Variants in SORCS2 observed in about 807,000 individuals in gnomAD.
The protein encoded by SORCS2 is VPS10 domain-containing receptor SorCS2.
Under a neutral mutation model 141.6 loss-of-function variants are expected in SORCS2, and 100 were observed. That is an observed-to-expected ratio of 0.71 (90% CI 0.60 to 0.83). SORCS2 has a LOEUF of 0.83. Among genes scored for constraint, SORCS2 ranks in the 40% least tolerant of loss-of-function variants. The probability of loss-of-function intolerance (pLI) is 0.00; values close to 1 mark genes in which losing one functional copy is unlikely to be tolerated. For synonymous variants in SORCS2, 789 were observed against 676.9 expected, an observed-to-expected ratio of 1.17 and a Z score of -2.57; for missense variants, 1,646 against 1,560.2, an observed-to-expected ratio of 1.05 and a Z score of -0.93.
chr4:7,428,747 T>G (rs1293325316), intron 2 of SORCS2, among the ~76,000 whole-genome samples: 1 of 151,998 alleles, frequency 6.6e-6, no homozygotes, highest in African/African-American at 2.4e-5. Flanking sequence ...CAGGGTGGGG[T>G]CCACCCGGCT....
At chr4:7,600,702 T>G (rs1216087175) in intron 3 of SORCS2, among the ~76,000 whole-genome samples, 1 of 148,208 alleles carries the variant, frequency 6.7e-6, no homozygotes, top group Non-Finnish European at 1.5e-5. Flanking sequence ...CACACACGAT[T>G]AAAATGCTAT....
At chr4:7,459,038 G>C (rs766660248) in intron 2 of SORCS2, among the ~76,000 whole-genome samples, 15 of 152,098 alleles carry the variant, frequency 9.9e-5, no homozygotes, top group Non-Finnish European at 1.9e-4. Context: ...CTCCTAAGGC[G>C]CGTGGCAAAG....
intron 1 of SORCS2, among the ~76,000 whole-genome samples, chr4:7,362,062 C>T (rs750242127): frequency 3.9e-5 from 6 of 152,140 alleles, no homozygotes; most frequent in Non-Finnish European, 7.3e-5. Context: ...TGGATTTGTC[C>T]TTGCCTCTGG....
intron 1 of SORCS2, among the ~76,000 whole-genome samples, chr4:7,218,351 T>C (rs991537299): frequency 6.6e-6 from 1 of 152,218 alleles, no homozygotes; most frequent in African/African-American, 2.4e-5. Flanking sequence ...TAAAGGAAAT[T>C]AGTTTCAGGT....
Position 7,737,025 on chromosome 4 carries a change from G to A in SORCS2, c.3312-44G>A, listed in dbSNP as rs114752821. The A allele has an allele frequency of 1.3e-3, 1,971 of 1,548,020 alleles. 18 individuals are homozygous for A. The African/African-American group carries it at 0.025, about 19-fold the overall frequency. Reference sequence around the variant, plus strand: ...GGAAGGCTCCAGGGACAGGCGGCCTGGGAAGCCCCTCCAAGCTGAGCCGCC... The same window carrying A: ...GGAAGGCTCCAGGGACAGGCGGCCTAGGAAGCCCCTCCAAGCTGAGCCGCC... On this transcript the variant is annotated intron_variant, in intron 25 of 26. Transcript: ENST00000507866.
chr4:7,264,333 G>A (rs1714571790), intron 1 of SORCS2, among the ~76,000 whole-genome samples: 1 of 152,224 alleles, frequency 6.6e-6, no homozygotes, highest in African/African-American at 2.4e-5. Context: ...GCAGTGAGGG[G>A]TTGGATGCCC....
chr4:7,462,933 G>A (rs61072122), intron 2 of SORCS2, among the ~76,000 whole-genome samples: 27,855 of 151,208 alleles, frequency 0.18, 2,695 homozygotes, highest in African/African-American at 0.24. Context: ...TCCCCATCCC[G>A]TGTGCCAGGC....
At chr4:7,457,942 G>A (rs567088067) in intron 2 of SORCS2, among the ~76,000 whole-genome samples, 30 of 152,002 alleles carry the variant, frequency 2.0e-4, no homozygotes, top group African/African-American at 6.0e-4. Flanking sequence ...GAGAGGCTGC[G>A]GGGCAGGGAC....
chr4:7,677,783 C>A (rs549069531), intron 9 of SORCS2, among the ~76,000 whole-genome samples: 1 of 152,178 alleles, frequency 6.6e-6, no homozygotes, highest in Non-Finnish European at 1.5e-5. Flanking sequence ...CCCCAGCAGA[C>A]GATGCAGATG....
At chr4:7,229,791 G>A (rs1711693746) in intron 1 of SORCS2, among the ~76,000 whole-genome samples, 1 of 151,938 alleles carries the variant, frequency 6.6e-6, no homozygotes, top group African/African-American at 2.4e-5. Context: ...AGATGGTCCA[G>A]TCTTCCAGTG....
At chr4:7,725,417 C>A in intron 20 of SORCS2, 130 bp downstream of exon 20, 1 of 1,336,098 alleles carries the variant, frequency 7.5e-7, no homozygotes, top group South Asian at 1.6e-5. Context: ...ACCCTTGGGC[C>A]CCTCCTGGGG....
At chr4:7,728,254 C>T in intron 21 of SORCS2, 96 bp from the exon 22 acceptor site, 1 of 797,390 alleles carries the variant, frequency 1.3e-6, no homozygotes, top group Non-Finnish European at 2.0e-6. Context: ...CTCCCGGGAC[C>T]ATCCAGGGCA....
chr4:7,215,948 C>G (rs896544905), intron 1 of SORCS2, among the ~76,000 whole-genome samples: 2 of 151,240 alleles, frequency 1.3e-5, no homozygotes, highest in Non-Finnish European at 3.0e-5. Flanking sequence ...AGCAGGCTGC[C>G]GGAGCCAGCA....
intron 3 of SORCS2, among the ~76,000 whole-genome samples, chr4:7,533,069 G>A (rs1345005784): frequency 6.6e-6 from 1 of 152,150 alleles, no homozygotes; most frequent in East Asian, 1.9e-4. Flanking sequence ...CCATCCCACA[G>A]CAGCCCAAAG....
intron 3 of SORCS2, among the ~76,000 whole-genome samples, chr4:7,591,126 G>A (rs1179796985): frequency 1.3e-5 from 2 of 152,176 alleles, no homozygotes; most frequent in Non-Finnish European, 1.5e-5. Flanking sequence ...GCCAGCGCGT[G>A]CATCCTTAGC....
intron 1 of SORCS2, among the ~76,000 whole-genome samples, chr4:7,234,383 T>C (rs1359776597): frequency 1.3e-5 from 2 of 152,220 alleles, no homozygotes; most frequent in Admixed American, 1.3e-4. Flanking sequence ...GCTATTGGTC[T>C]TTCATTACTT....
intron 12 of SORCS2, 137 bp downstream of exon 12, chr4:7,697,411 C>A: frequency 1.3e-6 from 1 of 777,240 alleles, no homozygotes; most frequent in Non-Finnish European, 2.0e-6. Flanking sequence ...ATCTTGCAGC[C>A]AAAGTGGCTG....
At chr4:7,305,339 C>CTCT (rs3030979) in intron 1 of SORCS2, among the ~76,000 whole-genome samples, 113,348 of 150,614 alleles carry the variant, frequency 0.75, 45,554 homozygotes, top group Non-Finnish European at 0.89. Flanking sequence ...CCCATTCTGG[C>CTCT]TCTTGTCCCA....
chr4:7,583,374 A>T (rs1018430919), intron 3 of SORCS2, among the ~76,000 whole-genome samples: 2 of 152,200 alleles, frequency 1.3e-5, no homozygotes, highest in African/African-American at 4.8e-5. Context: ...CTAGAAAAAA[A>T]CCCTGGAGCT....
Sources: allele counts gnomAD v4.1 joint callset (sites outside exome capture counted in the v4.1 genomes callset), GRCh38; gene constraint gnomAD v4.1.1; transcripts MANE v1.5; gene names NCBI Gene and HGNC (gene_info 2026-07-23, HGNC 2026-07-21).